Variants in LRRC7 observed in about 807,000 individuals in gnomAD.
LRRC7 encodes leucine-rich repeat-containing protein 7.
A neutral mutation model predicts 175.7 loss-of-function variants in LRRC7; 23 were observed. The ratio of observed to expected loss-of-function variants is 0.13; its 90% confidence interval spans 0.09 to 0.19. The LOEUF (loss-of-function observed/expected upper bound fraction) is 0.19, where lower values mean the gene tolerates loss of function less well. LRRC7 is among the 10% of genes least tolerant of loss of function. LRRC7 has a pLI of 1.00. For synonymous variants in LRRC7, 685 were observed against 680.9 expected (o/e 1.01, Z -0.09); for missense variants, 1,354 against 1,904.7 (o/e 0.71, Z 5.38).
intron 7 of LRRC7, among the ~76,000 whole-genome samples, chr1:69,897,770 A>G (rs187603407): frequency 9.0e-4 from 137 of 152,328 alleles, no homozygotes; most frequent in African/African-American, 3.2e-3. Flanking sequence ...TACATATTCC[A>G]TGTAGCACGA....
chr1:69,945,933 A>G (rs1052012138), intron 8 of LRRC7, among the ~76,000 whole-genome samples: 1 of 152,124 alleles, frequency 6.6e-6, no homozygotes, highest in African/African-American at 2.4e-5. Flanking sequence ...AAGCAGAGAC[A>G]TTTTACATCT....
intron 2 of LRRC7, among the ~76,000 whole-genome samples, chr1:69,740,121 T>C (rs1232357306): frequency 6.6e-6 from 1 of 152,114 alleles, no homozygotes; most frequent in Non-Finnish European, 1.5e-5. Context: ...ACGATGGCTC[T>C]ACATACCATG....
intron 4 of LRRC7, among the ~76,000 whole-genome samples, chr1:69,794,375 C>T (rs979530580): frequency 6.6e-6 from 1 of 152,180 alleles, no homozygotes; most frequent in African/African-American, 2.4e-5. Flanking sequence ...TGACTTGCCA[C>T]TTAGAGGGTT....
rs538638556 is a variant in LRRC7 at position 69,584,914 on chromosome 1, T to C, written c.2+16273T>C. On this transcript the variant is annotated intron_variant, in intron 1 of 26. Coordinates refer to ENST00000651989, the MANE Select transcript of LRRC7 (RefSeq NM_001370785.2). ...TGTGTTGTTCTCATTAACTTCTCTT[T>C]TTACCTGGTTAACTCCTATTTTATC... Among the ~76,000 whole-genome samples, 11 of 152,248 alleles carry C rather than the reference T, an allele frequency of 7.2e-5. No homozygotes were observed. The South Asian group carries it at 2.3e-3, about 32-fold the overall frequency.
chr1:69,710,295 AAAAG>A (rs1259883775), intron 2 of LRRC7, among the ~76,000 whole-genome samples: 1 of 150,504 alleles, frequency 6.6e-6, no homozygotes, highest in South Asian at 2.1e-4. Context: ...AAAAAAAAAA[AAAAG>A]AAAGAAAGAA....
rs543029231 is a variant in LRRC7, at chr1:69,583,099, T to C, written c.2+14458T>C. On this transcript the variant is annotated intron_variant, in intron 1 of 26. Coordinates refer to ENST00000651989, the MANE Select transcript of LRRC7 (RefSeq NM_001370785.2). Reference sequence around the variant, plus strand: ...AAAATAAAATTTTATTTTTTTATAATATCTGGAGGATTTATGGAGCATTTT... The same window carrying C: ...AAAATAAAATTTTATTTTTTTATAACATCTGGAGGATTTATGGAGCATTTT... Among the ~76,000 whole-genome samples, 5 of 152,058 alleles carry C rather than the reference T, an allele frequency of 3.3e-5. No homozygotes were observed. In the South Asian group the frequency reaches 1.0e-3, roughly 32 times the overall value.
Position 69,834,789 on chromosome 1 carries a change from T to C in LRRC7, c.510T>C (p.Asp170=), listed in dbSNP as rs775717375. The part of the protein sequence containing the change: ...ASVNPISKLP[D]GFTQLLNLTQ... ...TTTAACTCCTTTTTAGACTACCTGA[T>C]GGCTTCACACAGCTCCTAAACCTGA... The change falls in exon 6 of 27, where the codon GAT becomes GAC. Residue 170 remains aspartate, a synonymous_variant. Transcript: ENST00000651989. 112 of 1,612,918 alleles carry C rather than the reference T, an allele frequency of 6.9e-5. 2 individuals are homozygous for C. The East Asian group carries it at 2.4e-3, about 35-fold the overall frequency.
intron 1 of LRRC7, among the ~76,000 whole-genome samples, chr1:69,577,639 C>G (rs1646009424): frequency 6.6e-6 from 1 of 152,076 alleles, no homozygotes; most frequent in African/African-American, 2.4e-5. Flanking sequence ...AATAGGGAAT[C>G]CTTTCCCCAT....
intron 2 of LRRC7, among the ~76,000 whole-genome samples, chr1:69,746,181 T>G (rs1303833141): frequency 1.3e-5 from 2 of 152,030 alleles, no homozygotes; most frequent in Non-Finnish European, 2.9e-5. Flanking sequence ...TAACATAAAG[T>G]GCTCTCTCTT....
chr1:69,930,036 A>G (rs186981311), intron 7 of LRRC7, among the ~76,000 whole-genome samples: 60 of 151,076 alleles, frequency 4.0e-4, no homozygotes, highest in Admixed American at 3.9e-3. Flanking sequence ...GCCTTACCTG[A>G]TCACCCTACT....
At chr1:69,844,094 AT>A (rs1333642269) in intron 7 of LRRC7, among the ~76,000 whole-genome samples, 1 of 152,148 alleles carries the variant, frequency 6.6e-6, no homozygotes, top group Non-Finnish European at 1.5e-5. Context: ...GAAAAACATG[AT>A]TTTTAGTTTT....
At chr1:69,814,164 G>A (rs1049515420) in intron 4 of LRRC7, among the ~76,000 whole-genome samples, 1 of 151,960 alleles carries the variant, frequency 6.6e-6, no homozygotes, top group African/African-American at 2.4e-5. Context: ...TTCAACAGGT[G>A]GTTGCATAAT....
chr1:69,764,967 C>CA (rs894701409), intron 3 of LRRC7, among the ~76,000 whole-genome samples: 2 of 152,022 alleles, frequency 1.3e-5, no homozygotes, highest in African/African-American at 4.8e-5. Flanking sequence ...GACTATTCGA[C>CA]AAAAAATATT....
chr1:69,774,690 G>C (rs1016150740), intron 3 of LRRC7, among the ~76,000 whole-genome samples: 1 of 152,040 alleles, frequency 6.6e-6, no homozygotes, highest in African/African-American at 2.4e-5. Flanking sequence ...TATGAGTAAA[G>C]CAAACACAGG....
chr1:70,024,678 A>G (rs1432943674), intron 17 of LRRC7, among the ~76,000 whole-genome samples: 2 of 152,044 alleles, frequency 1.3e-5, no homozygotes, highest in African/African-American at 4.8e-5. Context: ...ATAAGAGAAC[A>G]TTTATAGTCT....
chr1:70,039,698 C>A lies in LRRC7; in HGVS notation c.3874C>A (p.Pro1292Thr). ...PSDNSDLKTR[P>T]TPVKGEESCG... is the part of the protein sequence containing the mutation. ...AGATAACAGTGATTTAAAGACGAGG[C>A]CTACTCCTGTGAAGGGAGAGGAGAG... The change falls in exon 21 of 27, where the codon CCT becomes ACT. Residue 1292 changes from proline (P) to threonine (T), a missense_variant. Around this residue, in one of 4 missense-constraint regions of LRRC7, gnomAD observed 1,032 missense variants for 1,227.2 expected, o/e 0.84. Transcript: ENST00000651989. 6.2e-7 allele frequency: 1 copy of A among 1,614,062 alleles called. No individual in the cohort carries two copies. The highest frequency in any genetic ancestry group is 8.5e-7 in the Non-Finnish European group (1 of 1,179,996).
At chr1:69,656,858 A>G (rs1279861914) in intron 1 of LRRC7, among the ~76,000 whole-genome samples, 2 of 151,948 alleles carry the variant, frequency 1.3e-5, no homozygotes, top group East Asian at 1.9e-4. Flanking sequence ...TAACAATAAC[A>G]ATAGTAGAAA....
At chr1:69,898,231 T>C (rs1646033847) in intron 7 of LRRC7, among the ~76,000 whole-genome samples, 1 of 152,182 alleles carries the variant, frequency 6.6e-6, no homozygotes. Flanking sequence ...AATTTTGTTT[T>C]CAACATAATA....
chr1:69,865,469 C>CTTTTTTTTTGTTT (rs1684822338), intron 7 of LRRC7, among the ~76,000 whole-genome samples: 1 of 51,262 alleles, frequency 2.0e-5, no homozygotes, highest in African/African-American at 8.1e-5. Context: ...AAGACAGTTC[C>CTTTTTTTTTGTTT]TTTTTTTTTT....
Sources: gnomAD v4.1 joint callset for allele counts (sites outside exome capture counted in the v4.1 genomes callset) on GRCh38, gnomAD v4.1.1 for gene constraint, gnomAD v4.1.1 regional missense constraint, MANE v1.5 for transcripts, NCBI Gene and HGNC (gene_info 2026-07-23, HGNC 2026-07-21) for gene names.